AMMECR1: variants seen among roughly 807,000 people sequenced by gnomAD.
The protein encoded by AMMECR1 is nuclear protein AMMECR1.
AMMECR1 carries 3 observed loss-of-function variants against 22.5 expected under a neutral mutation model. That is an observed-to-expected ratio of 0.13 (90% CI 0.06 to 0.35). The LOEUF is 0.35. Among genes scored for constraint, AMMECR1 ranks in the 10% least tolerant of loss-of-function variants. The probability of loss-of-function intolerance (pLI) is 1.00; values close to 1 mark genes in which losing one functional copy is unlikely to be tolerated. For synonymous variants in AMMECR1, 130 were observed against 116.7 expected (o/e 1.11, Z -0.74); for missense variants, 235 against 278.7 (o/e 0.84, Z 1.12).
intron 2 of AMMECR1, among the ~76,000 whole-genome samples, chrX:110,223,282 T>C (rs1328461380): frequency 8.9e-6 from 1 of 112,684 alleles, no homozygotes; most frequent in Non-Finnish European, 1.9e-5. Context: ...TTTTTAGAAA[T>C]GAACTACTAG....
chrX:110,230,903 G>A (rs1310967558), intron 2 of AMMECR1, among the ~76,000 whole-genome samples: 4 of 112,038 alleles, frequency 3.6e-5, no homozygotes, highest in African/African-American at 9.7e-5. Flanking sequence ...TTCAAGAGCC[G>A]ATTCAATCAA....
Position 110,318,023 on chromosome X carries a change from G to A in AMMECR1, c.49C>T (p.Pro17Ser), listed in dbSNP as rs1256620862. The A allele has an allele frequency of 2.5e-6, 3 of 1,206,300 alleles. No homozygotes were observed. Among genetic ancestry groups the A allele is most frequent in the East Asian group, 3.0e-5 (1 of 33,726 alleles). Reference protein sequence around the residue: ...GVKKQKLSSSPPSGSGGGGGA... With the variant: ...GVKKQKLSSSSPSGSGGGGGA... ...CCACCGCCACCCGAGCCAGAGGGGG[G>A]CGAACTGGACAGTTTCTGCTTCTTC... The change falls in exon 1 of 6, where the codon CCC becomes TCC. Residue 17 changes from proline to serine, a missense_variant. By Grantham distance (74) the Pro-to-Ser change is moderately conservative (BLOSUM62 -1). This residue lies in a region of AMMECR1 where 124 missense variants were observed against 97.0 expected (regional missense o/e 1.28). Coordinates refer to ENST00000262844, the MANE Select transcript of AMMECR1 (RefSeq NM_015365.3).
At chrX:110,236,017 G>GA (rs1204761519) in intron 2 of AMMECR1, among the ~76,000 whole-genome samples, 64 of 104,635 alleles carry the variant, frequency 6.1e-4, no homozygotes, top group African/African-American at 1.2e-3. Flanking sequence ...GTTAGGACTA[G>GA]AAAAAAAAAA....
At chrX:110,278,022 A>G (rs2067834908) in intron 1 of AMMECR1, among the ~76,000 whole-genome samples, 1 of 111,710 alleles carries the variant, frequency 9.0e-6, no homozygotes, top group East Asian at 2.8e-4. Flanking sequence ...TTAAAGGCCT[A>G]TTTTTTCAGC....
intron 2 of AMMECR1, among the ~76,000 whole-genome samples, chrX:110,353,974 T>A (rs967085461): frequency 1.8e-5 from 2 of 112,278 alleles, no homozygotes; most frequent in African/African-American, 3.2e-5. Flanking sequence ...AGGTGAAAGA[T>A]CTGTATAGTA....
intron 2 of AMMECR1, among the ~76,000 whole-genome samples, chrX:110,365,338 T>A (rs899570320): frequency 2.7e-5 from 3 of 112,297 alleles, no homozygotes; most frequent in African/African-American, 9.7e-5. Context: ...TCTGGTGAAA[T>A]CAGGCTTCCA....
intron 2 of AMMECR1, among the ~76,000 whole-genome samples, chrX:110,365,636 C>T (rs2068292322): frequency 8.9e-6 from 1 of 111,905 alleles, no homozygotes; most frequent in Non-Finnish European, 1.9e-5. Context: ...CTGATTCTAT[C>T]AGTGTTCCTA....
At chrX:110,251,259 TTATAA>T (rs2067684977) in intron 2 of AMMECR1, among the ~76,000 whole-genome samples, 1 of 111,584 alleles carries the variant, frequency 9.0e-6, no homozygotes, top group African/African-American at 3.3e-5. Flanking sequence ...GTGTTAAGTG[TTATAA>T]TAGAGGCCTA....
chrX:110,327,363 G>C lies in AMMECR1; in HGVS notation c.-147-9514C>G, dbSNP rs138924460. Among the ~76,000 whole-genome samples the C allele has an allele frequency of 9.4e-3, 1,059 of 112,404 alleles. 15 individuals are homozygous for C. Among genetic ancestry groups the C allele is most frequent in the African/African-American group, 0.032 (986 of 30,984 alleles). ...AACTGACATAGTGGGAAAGCCAGCA[G>C]AGTGTTGTGTCACAATATCCAAAGA... is the stretch of plus-strand genomic sequence containing the variant. On this transcript the variant is annotated intron_variant, in intron 2 of 7. Coordinates refer to the AMMECR1 transcript ENST00000372057.
chrX:110,229,624 G>A (rs2067551652), intron 2 of AMMECR1, among the ~76,000 whole-genome samples: 1 of 112,263 alleles, frequency 8.9e-6, no homozygotes, highest in Admixed American at 9.4e-5. Context: ...ATTTCCAACT[G>A]AGGTACCTGG....
At chrX:110,416,063 G>C (rs913248103) in intron 2 of AMMECR1, among the ~76,000 whole-genome samples, 1 of 110,717 alleles carries the variant, frequency 9.0e-6, no homozygotes, top group African/African-American at 3.3e-5. Flanking sequence ...GCCTTAATTG[G>C]GTGCTTACTC....
At chrX:110,349,204 G>C (rs972342141) in intron 2 of AMMECR1, among the ~76,000 whole-genome samples, 1 of 112,251 alleles carries the variant, frequency 8.9e-6, no homozygotes, top group African/African-American at 3.2e-5. Flanking sequence ...AAATCTCAGA[G>C]AGATTAATTC....
chrX:110,341,486 T>A (rs2068163893), intron 2 of AMMECR1, among the ~76,000 whole-genome samples: 1 of 112,304 alleles, frequency 8.9e-6, no homozygotes, highest in South Asian at 3.7e-4. Flanking sequence ...AAACAATTCA[T>A]AAGTTTTAAA....
At chrX:110,420,987 C>T (rs1474943262) in intron 2 of AMMECR1, among the ~76,000 whole-genome samples, 1 of 111,694 alleles carries the variant, frequency 9.0e-6, no homozygotes, top group Non-Finnish European at 1.9e-5. Flanking sequence ...TGTTTTATTA[C>T]ACCAGCGAGA....
At chrX:110,304,387 A>G (rs958833566) in intron 1 of AMMECR1, among the ~76,000 whole-genome samples, 1 of 112,336 alleles carries the variant, frequency 8.9e-6, no homozygotes, top group African/African-American at 3.2e-5. Flanking sequence ...AAACCATTTA[A>G]TTGTATCATA....
At chrX:110,358,956 A>G (rs752346767) in intron 2 of AMMECR1, 1 of 111,833 alleles carries the variant, frequency 8.9e-6, no homozygotes, top group African/African-American at 3.3e-5. Flanking sequence ...ACGTTCTTCT[A>G]TAACGCTCTA....
intron 2 of AMMECR1, among the ~76,000 whole-genome samples, chrX:110,381,694 C>T (rs988929112): frequency 1.8e-5 from 2 of 111,037 alleles, no homozygotes; most frequent in Middle Eastern, 4.6e-3. Flanking sequence ...GATAGTGGAT[C>T]GGATAAAGAA....
At chrX:110,417,490 T>A (rs191772495) in intron 2 of AMMECR1, among the ~76,000 whole-genome samples, 1 of 111,830 alleles carries the variant, frequency 8.9e-6, no homozygotes. Context: ...ATTTTTTTTT[T>A]ATGCGATAAG....
At chrX:110,232,875 G>A (rs2067576218) in intron 2 of AMMECR1, among the ~76,000 whole-genome samples, 1 of 73,162 alleles carries the variant, frequency 1.4e-5, no homozygotes, top group Non-Finnish European at 2.3e-5. Flanking sequence ...GGGTGACAGA[G>A]CCAGACTCAG....
Sources: gnomAD v4.1 joint callset for allele counts (sites outside exome capture counted in the v4.1 genomes callset) on GRCh38, gnomAD v4.1.1 for gene constraint, gnomAD v4.1.1 regional missense constraint, MANE v1.5 for transcripts, NCBI Gene and HGNC (gene_info 2026-07-23, HGNC 2026-07-21) for gene names.